The following GAS2 variants were observed in gnomAD, a reference collection of about 807,000 sequenced individuals.
GAS2 encodes the protein growth arrest specific 2.
A neutral mutation model predicts 37.5 loss-of-function variants in GAS2; 20 were observed. That is an observed-to-expected ratio of 0.53 (90% confidence interval 0.37 to 0.77). The LOEUF (loss-of-function observed/expected upper bound fraction) is 0.77, where lower values mean the gene tolerates loss of function less well. GAS2 is among the 30% of genes least tolerant of loss of function. The probability of loss-of-function intolerance (pLI) is 0.00; values close to 1 mark genes in which losing one functional copy is unlikely to be tolerated. For synonymous variants in GAS2, 144 were observed against 132.2 expected, an observed-to-expected ratio of 1.09 and a Z score of -0.61; for missense variants, 336 against 373.4, an observed-to-expected ratio of 0.90 and a Z score of 0.82.
chr11:22,737,350 A>T (rs967159947), intron 4 of GAS2, among the ~76,000 whole-genome samples: 4 of 152,184 alleles, frequency 2.6e-5, no homozygotes, highest in African/African-American at 9.6e-5. Context: ...AATATCAATT[A>T]TTGACAGGTA....
intron 3 of GAS2, among the ~76,000 whole-genome samples, chr11:22,687,013 G>T (rs985835921): frequency 3.3e-5 from 5 of 152,068 alleles, no homozygotes; most frequent in African/African-American, 1.2e-4. Context: ...GGAATTACCT[G>T]AGCATCTTTT....
At position 22,739,551 on chromosome 11, in the gene GAS2, C is replaced by T. The variant is rs185909682; in HGVS notation, c.473+1783C>T. Among the ~76,000 whole-genome samples, 1,100 of 110,052 alleles carry T rather than the reference C, an allele frequency of 1.0e-2. 19 individuals are homozygous for T. The highest frequency in any genetic ancestry group is 0.036 in the African/African-American group (1,043 of 29,128). 72.2% of individuals were successfully genotyped at this position (110,052 alleles called of 152,430 possible). A position where few individuals can be genotyped will look rare whatever the true frequency, so the allele number is the denominator to read the frequency against. On this transcript the variant is annotated intron_variant, in intron 5 of 7. Coordinates refer to ENST00000454584, the MANE Select transcript of GAS2 (RefSeq NM_001143830.3). ...TTGCACCACTGCACCCCAGCCTGGG[C>T]GACAGAGCAAGATTCGCTCTCAAAA...
intron 3 of GAS2, among the ~76,000 whole-genome samples, chr11:22,687,271 G>A (rs1850009448): frequency 6.6e-6 from 1 of 152,124 alleles, no homozygotes; most frequent in African/African-American, 2.4e-5. Context: ...AGGTTGCAGT[G>A]AGCCAAGATC....
chr11:22,758,913 CAA>C (rs66871964), intron 7 of GAS2, among the ~76,000 whole-genome samples: 1 of 73,314 alleles, frequency 1.4e-5, no homozygotes, highest in African/African-American at 4.3e-5. Flanking sequence ...AACTCCGTCT[CAA>C]AAAAAAAAAA....
intron 1 of GAS2, among the ~76,000 whole-genome samples, chr11:22,642,252 A>G (rs1230974304): frequency 6.6e-6 from 1 of 152,186 alleles, no homozygotes; most frequent in Admixed American, 6.5e-5. Flanking sequence ...CAACAGTGGC[A>G]GAGGAAATAT....
At chr11:22,749,095 G>A (rs200158763) in intron 5 of GAS2, 25 bp from the exon 6 acceptor site, 3 of 1,594,356 alleles carry the variant, frequency 1.9e-6, no homozygotes, top group African/African-American at 2.7e-5. Context: ...TTATGCATAT[G>A]TAATGATCCA....
At chr11:22,756,735 G>A (rs1854062442) in intron 7 of GAS2, among the ~76,000 whole-genome samples, 2 of 152,124 alleles carry the variant, frequency 1.3e-5, no homozygotes, top group South Asian at 4.1e-4. Flanking sequence ...TTTTAGATTA[G>A]CATTTACTAA....
At chr11:22,648,467 A>T (rs1848731466) in intron 1 of GAS2, among the ~76,000 whole-genome samples, 1 of 152,158 alleles carries the variant, frequency 6.6e-6, no homozygotes, top group Non-Finnish European at 1.5e-5. Flanking sequence ...GAAGAAAGTC[A>T]TTGGTAGCTT....
intron 7 of GAS2, among the ~76,000 whole-genome samples, chr11:22,775,277 G>A (rs749894678): frequency 5.3e-5 from 8 of 152,166 alleles, no homozygotes; most frequent in Admixed American, 1.3e-4. Flanking sequence ...GCATTCCACC[G>A]TTTTGGCTTG....
intron 6 of GAS2, among the ~76,000 whole-genome samples, chr11:22,752,853 T>C (rs375374427): frequency 4.6e-5 from 7 of 152,064 alleles, no homozygotes; most frequent in African/African-American, 1.4e-4. Context: ...TGGGAAAAAA[T>C]AGGTGACCCT....
chr11:22,696,980 G>T (rs879573716), intron 3 of GAS2, among the ~76,000 whole-genome samples: 1 of 149,786 alleles, frequency 6.7e-6, no homozygotes, highest in African/African-American at 2.4e-5. Flanking sequence ...GGCTTTTGTT[G>T]CCATTGCTTT....
chr11:22,641,365 T>C (rs1327356241), intron 1 of GAS2, among the ~76,000 whole-genome samples: 1 of 148,808 alleles, frequency 6.7e-6, no homozygotes, highest in Admixed American at 6.8e-5. Flanking sequence ...TATTTTATTA[T>C]ACTTTAAGTT....
intron 3 of GAS2, among the ~76,000 whole-genome samples, chr11:22,704,569 A>C (rs2134043612): frequency 7.1e-6 from 1 of 139,942 alleles, no homozygotes; most frequent in South Asian, 2.3e-4. Context: ...AACTTCAATT[A>C]GAAGCCAGTG....
At chr11:22,691,909 T>C (rs1049696301) in intron 3 of GAS2, among the ~76,000 whole-genome samples, 1 of 152,184 alleles carries the variant, frequency 6.6e-6, no homozygotes, top group South Asian at 2.1e-4. Flanking sequence ...TCTGACCAAA[T>C]AGCCAAATTA....
rs1857197975 is a variant in GAS2, at chr11:22,811,985, C to G, written c.911C>G (p.Ala304Gly). 6.2e-7 allele frequency: 1 copy of G among 1,613,854 alleles called. No homozygotes were observed. The highest frequency in any genetic ancestry group is 1.3e-5 in the African/African-American group (1 of 74,890). Residue 304 changes from alanine (A) to glycine (G), a missense_variant, in exon 8 of 8, where the codon GCC becomes GGC. Transcript: ENST00000454584. ...CCAGATAACTACTTGGTGGTCTCTG[C>G]CAGTTATAAGGCTAAGAAGGAAATT... The part of the protein sequence containing the change: ...MNPDNYLVVS[A>G]SYKAKKEIK
chr11:22,787,378 A>C (rs183178959), intron 7 of GAS2, among the ~76,000 whole-genome samples: 82 of 152,274 alleles, frequency 5.4e-4, no homozygotes, highest in Non-Finnish European at 9.9e-4. Flanking sequence ...TGTTGTTCCT[A>C]TTATTCAGTA....
chr11:22,656,933 A>G (rs148736387), intron 1 of GAS2, among the ~76,000 whole-genome samples: 48 of 152,288 alleles, frequency 3.2e-4, no homozygotes, highest in African/African-American at 1.1e-3. Context: ...ATGTATTTTG[A>G]GATAACATAC....
chr11:22,776,316 G>A (rs185129798), intron 7 of GAS2, among the ~76,000 whole-genome samples: 62 of 151,780 alleles, frequency 4.1e-4, no homozygotes, highest in Non-Finnish European at 6.5e-4. Flanking sequence ...ATGAATTTGC[G>A]TGGTGGCTGT....
intron 7 of GAS2, among the ~76,000 whole-genome samples, chr11:22,762,940 A>G (rs559351039): frequency 6.6e-6 from 1 of 152,242 alleles, no homozygotes; most frequent in South Asian, 2.1e-4. Flanking sequence ...TTTTAAGTAG[A>G]CTGGTATTAC....
Sources: allele counts gnomAD v4.1 joint callset (sites outside exome capture counted in the v4.1 genomes callset), GRCh38; gene constraint gnomAD v4.1.1; transcripts MANE v1.5; gene names NCBI Gene and HGNC (gene_info 2026-07-23, HGNC 2026-07-21).